RASA1: variants seen among roughly 807,000 people sequenced by gnomAD.
The protein encoded by RASA1 is ras GTPase-activating protein 1.
A neutral mutation model predicts 132.2 loss-of-function variants in RASA1; 25 were observed. That is an observed-to-expected ratio of 0.19 (90% CI 0.14 to 0.26). RASA1 has a LOEUF of 0.26. Among genes scored for constraint, RASA1 ranks in the 10% least tolerant of loss-of-function variants. The pLI is 1.00. For synonymous variants in RASA1, 477 were observed against 449.9 expected (o/e 1.06, Z -0.76); for missense variants, 964 against 1,299.2 (o/e 0.74, Z 3.97).
chr5:87,337,947 T>C (rs369797266), intron 4 of RASA1, 27 bp from the exon 5 acceptor site: 68 of 1,577,942 alleles, frequency 4.3e-5, no homozygotes, highest in Non-Finnish European at 5.7e-5. Flanking sequence ...TTTTTAAATT[T>C]AATAACTTTA....
At chr5:87,378,692 T>C (rs1456622493) in intron 18 of RASA1, among the ~76,000 whole-genome samples, 154 bp downstream of exon 18, 1 of 152,214 alleles carries the variant, frequency 6.6e-6, no homozygotes, top group African/African-American at 2.4e-5. Flanking sequence ...TATAAAAATG[T>C]TCTGCAAAAT....
intron 5 of RASA1, among the ~76,000 whole-genome samples, chr5:87,338,536 A>ATATATTTTTTTTTTTTTTT: frequency 1.2e-5 from 1 of 85,216 alleles, no homozygotes; most frequent in African/African-American, 4.4e-5. Flanking sequence ...TATATATAAA[A>ATATATTTTTTTTTTTTTTT]TTTTTTTTTT....
At chr5:87,287,402 T>TAC (rs1284686863) in intron 1 of RASA1, among the ~76,000 whole-genome samples, 10 of 145,200 alleles carry the variant, frequency 6.9e-5, no homozygotes, top group African/African-American at 2.5e-4. Context: ...ATACCATATA[T>TAC]ACACACCATA....
intron 13 of RASA1, 146 bp from the exon 14 acceptor site, chr5:87,374,017 A>G: frequency 1.1e-5 from 7 of 615,124 alleles, no homozygotes; most frequent in Non-Finnish European, 1.1e-5. Context: ...ATATACAAAT[A>G]TATAACCAAA....
At position 87,334,898 on chromosome 5, in the gene RASA1, T is replaced by A. The variant is rs1580288873; in HGVS notation, c.899+1561T>A. ...CTGAACTAGTTTGTTCCTTTTTTTT[T>A]TTTGAGACAGAATCTTGCTCTGTTA... On this transcript the variant is annotated intron_variant, in intron 4 of 24. Coordinates refer to ENST00000274376, the MANE Select transcript of RASA1 (RefSeq NM_002890.3). Among the ~76,000 whole-genome samples the A allele has an allele frequency of 2.0e-5, 3 of 152,286 alleles. No homozygotes were observed. The Middle Eastern group carries it at 0.01, about 518-fold the overall frequency.
chr5:87,366,877 A>C (rs1209289502), intron 11 of RASA1, among the ~76,000 whole-genome samples: 3 of 152,062 alleles, frequency 2.0e-5, no homozygotes, highest in Non-Finnish European at 4.4e-5. Flanking sequence ...TTAAAAAATT[A>C]AAAAATTAGC....
rs1357621305 is a variant in RASA1, at chr5:87,287,235, CAT to C, written c.539+18253_539+18254del. 4.2e-5 allele frequency among the ~76,000 whole-genome samples: 6 copies of C among 142,382 alleles called. 1 individual carries two copies. The East Asian group carries it at 1.3e-3, about 30-fold the overall frequency. The allele number at this position is 142,382 out of a possible 152,430, so 93.4% of individuals were successfully genotyped here. A position where few individuals can be genotyped will look rare whatever the true frequency, so the allele number is the denominator to read the frequency against. The stretch of plus-strand genomic sequence containing the variant: ...ATATACACACCGTATATATACACAC[CAT>C]ATATATACCGTATATATACACACCA... On this transcript the variant is annotated intron_variant, in intron 1 of 24. Coordinates refer to ENST00000274376, the MANE Select transcript of RASA1 (RefSeq NM_002890.3).
intron 1 of RASA1, among the ~76,000 whole-genome samples, chr5:87,313,925 T>C (rs1483489014): frequency 1.3e-5 from 2 of 151,894 alleles, no homozygotes; most frequent in East Asian, 3.9e-4. Flanking sequence ...CCCAGCACTT[T>C]GGGAGGCTGA....
chr5:87,337,604 C>T (rs534802290), intron 4 of RASA1, among the ~76,000 whole-genome samples: 2 of 152,140 alleles, frequency 1.3e-5, no homozygotes, highest in East Asian at 3.9e-4. Context: ...AGAGTAATAA[C>T]ATTGAAGCAT....
rs1761487006 is a variant in RASA1 at position 87,378,625 on chromosome 5, ATATAT to A, written c.2487+90_2487+94del. 5 of 1,342,530 alleles carry A rather than the reference ATATAT, an allele frequency of 3.7e-6. No individual in the cohort carries two copies. In the African/African-American group the frequency reaches 7.3e-5, roughly 20 times the overall value. 83.2% of individuals were successfully genotyped at this position (1,342,530 alleles called of 1,614,324 possible). A position where few individuals can be genotyped will look rare whatever the true frequency, so the allele number is the denominator to read the frequency against. ...TGTAGCCAATTACATTTTAAGGAAA[ATATAT>A]TAAATTTCTAAAATTATTCCTCATA... On this transcript the variant is annotated intron_variant, in intron 18 of 24. Transcript: ENST00000274376.
At chr5:87,358,761 T>A (rs1021016323) in intron 9 of RASA1, among the ~76,000 whole-genome samples, 1 of 152,216 alleles carries the variant, frequency 6.6e-6, no homozygotes, top group African/African-American at 2.4e-5. Context: ...CTTCCTACTA[T>A]CCTCCTGCCA....
intron 1 of RASA1, among the ~76,000 whole-genome samples, chr5:87,286,837 T>TACCATATATATATAC (rs1754588172): frequency 6.7e-6 from 1 of 149,826 alleles, no homozygotes; most frequent in African/African-American, 2.5e-5. Flanking sequence ...CATATATATA[T>TACCATATATATATAC]ACCATATATA....
chr5:87,273,258 TG>T (rs1178818129), intron 1 of RASA1, among the ~76,000 whole-genome samples: 2 of 152,228 alleles, frequency 1.3e-5, no homozygotes, highest in African/African-American at 4.8e-5. Flanking sequence ...TGGTTGAGGC[TG>T]GAAATGTTTA....
rs548409609 is a variant in RASA1, at chr5:87,269,112, T to A, written c.539+122T>A. ...TTTGTTAGGAAAAGTTTTTGAAGTTTCAGGTTTCTTGGGTAGGAATTTAAT... is the reference window on the plus strand; with the variant it reads ...TTTGTTAGGAAAAGTTTTTGAAGTTACAGGTTTCTTGGGTAGGAATTTAAT... On this transcript the variant is annotated intron_variant, in intron 1 of 24. Coordinates refer to ENST00000274376, the MANE Select transcript of RASA1 (RefSeq NM_002890.3). 15 of 1,613,710 alleles carry A rather than the reference T, an allele frequency of 9.3e-6. No homozygotes were observed. The East Asian group carries it at 3.1e-4, about 34-fold the overall frequency.
At chr5:87,312,703 A>G (rs1472215154) in intron 1 of RASA1, among the ~76,000 whole-genome samples, 2 of 152,180 alleles carry the variant, frequency 1.3e-5, no homozygotes, top group Non-Finnish European at 2.9e-5. Flanking sequence ...TGTGAATGCT[A>G]CCATGAATCT....
chr5:87,304,139 C>A (rs929985113), intron 1 of RASA1, among the ~76,000 whole-genome samples: 2 of 151,984 alleles, frequency 1.3e-5, no homozygotes, highest in African/African-American at 4.8e-5. Flanking sequence ...CCAGCTGATA[C>A]TTCTTGTCTT....
chr5:87,372,359 GTTCT>G (rs1002149236), intron 13 of RASA1, among the ~76,000 whole-genome samples, 164 bp downstream of exon 13: 14 of 152,090 alleles, frequency 9.2e-5, no homozygotes, highest in African/African-American at 2.7e-4. Flanking sequence ...GAAAGAGAAT[GTTCT>G]TTCTTAGTCC....
intron 1 of RASA1, among the ~76,000 whole-genome samples, chr5:87,326,130 C>T (rs1460473876): frequency 6.6e-6 from 1 of 152,192 alleles, no homozygotes; most frequent in East Asian, 1.9e-4. Flanking sequence ...TGCCACCATG[C>T]CTGGCTAATT....
At chr5:87,332,732 T>G in intron 3 of RASA1, 90 bp downstream of exon 3, 2 of 1,286,182 alleles carry the variant, frequency 1.6e-6, no homozygotes, top group Non-Finnish European at 2.2e-6. Context: ...ATGTTTATTA[T>G]AATTCAAGAA....
Sources: allele counts gnomAD v4.1 joint callset (sites outside exome capture counted in the v4.1 genomes callset), GRCh38; gene constraint gnomAD v4.1.1; transcripts MANE v1.5; gene names NCBI Gene and HGNC (gene_info 2026-07-23, HGNC 2026-07-21).